PAX2: variants seen among roughly 807,000 people sequenced by gnomAD.
The protein encoded by PAX2 is paired box 2.
In PAX2, 9 loss-of-function variants were observed where a neutral mutation model predicts 41.7. The ratio of observed to expected loss-of-function variants is 0.22; its 90% CI spans 0.13 to 0.38. PAX2 has a LOEUF of 0.38. Ranked by LOEUF, PAX2 falls within the 10% of genes least tolerant of loss-of-function variation. The probability of loss-of-function intolerance (pLI) is 1.00; values close to 1 mark genes in which losing one functional copy is unlikely to be tolerated. For missense variants in PAX2, 418 were observed against 531.6 expected (o/e 0.79, Z 2.10); for synonymous variants, 221 against 212.7 (o/e 1.04, Z -0.34).
chr10:100,773,054 C>T (rs1042594551), intron 3 of PAX2, among the ~76,000 whole-genome samples: 9 of 152,216 alleles, frequency 5.9e-5, no homozygotes, highest in Non-Finnish European at 1.3e-4. Context: ...TTGGGTGTCT[C>T]TCCCCTGGAG....
At chr10:100,781,935 G>A (rs1236002004) in intron 5 of PAX2, among the ~76,000 whole-genome samples, 2 of 152,170 alleles carry the variant, frequency 1.3e-5, no homozygotes, top group African/African-American at 4.8e-5. Flanking sequence ...GCCTCAAGGT[G>A]CAGCCAGGCT....
In PAX2 at chr10:100,791,604, G is replaced by A. The variant is rs993532431; in HGVS notation, c.616+10239G>A. Among the ~76,000 whole-genome samples the A allele has an allele frequency of 4.6e-5, 7 of 152,186 alleles. No homozygotes were observed. Among genetic ancestry groups the A allele is most frequent in the African/African-American group, 1.7e-4 (7 of 41,442 alleles). On this transcript the variant is annotated intron_variant, in intron 5 of 9. Transcript: ENST00000355243. The surrounding 1 kb of genome is among the most constrained non-coding windows in gnomAD (Gnocchi z 4.5). The stretch of plus-strand genomic sequence containing the variant: ...CTCCTGAAGCAGAAAGTGTGAGCAG[G>A]AGAGCAAGCGAGCCAGTGACAGAGG...
At chr10:100,763,454 T>G (rs1845904367) in intron 3 of PAX2, among the ~76,000 whole-genome samples, 1 of 152,238 alleles carries the variant, frequency 6.6e-6, no homozygotes, top group African/African-American at 2.4e-5. Flanking sequence ...TTTGATGTGT[T>G]CGAGTCTGAT....
At chr10:100,781,149 C>T (rs1846604678) in intron 4 of PAX2, 97 bp from the exon 5 acceptor site, 1 of 1,231,742 alleles carries the variant, frequency 8.1e-7, no homozygotes, top group Admixed American at 1.7e-5. Context: ...TCCTTATGTC[C>T]TCTGCTTCTC....
chr10:100,809,087 G>A (rs1273842928), intron 6 of PAX2, 23 bp from the exon 7 acceptor site: 1 of 1,610,762 alleles, frequency 6.2e-7, no homozygotes, highest in Non-Finnish European at 8.5e-7. Context: ...ATAGAGAGCT[G>A]TCACTTTTCT....
chr10:100,743,196 G>C (rs1051582344), upstream of PAX2, among the ~76,000 whole-genome samples: 8 of 152,126 alleles, frequency 5.3e-5, no homozygotes, highest in Admixed American at 1.3e-4. Flanking sequence ...GGGGCTACCT[G>C]GGAATGGGAC....
chr10:100,776,231 T>C (rs1846383157), intron 3 of PAX2, among the ~76,000 whole-genome samples: 1 of 152,218 alleles, frequency 6.6e-6, no homozygotes. Flanking sequence ...AGTCTCCGTT[T>C]ACTGCCCTGC....
intron 6 of PAX2, among the ~76,000 whole-genome samples, chr10:100,808,507 G>A (rs934192071): frequency 7.2e-5 from 11 of 152,160 alleles, no homozygotes; most frequent in African/African-American, 4.8e-5. Flanking sequence ...GCAATTACCC[G>A]AGTGTTTCAG....
At chr10:100,759,658 G>A (rs1337691922) in intron 3 of PAX2, among the ~76,000 whole-genome samples, 1 of 152,204 alleles carries the variant, frequency 6.6e-6, no homozygotes, top group Non-Finnish European at 1.5e-5. Flanking sequence ...GACAGGACCG[G>A]TGGCTCCTGG....
Position 100,748,414 on chromosome 10 carries a change from T to A in PAX2, c.44-1332T>A, listed in dbSNP as rs527988075. 2 of 984,674 alleles carry A rather than the reference T, an allele frequency of 2.0e-6. No individual in the cohort carries two copies. The highest frequency in any genetic ancestry group is 2.4e-6 in the Non-Finnish European group (2 of 829,772). The allele number at this position is 984,674 out of a possible 1,614,324, so 61.0% of individuals were successfully genotyped here. A position where few individuals can be genotyped will look rare whatever the true frequency, so the allele number is the denominator to read the frequency against. The stretch of plus-strand genomic sequence containing the variant: ...TCTTTCCCCAGGGTTTCACCGAGCT[T>A]GCTCTAGGTACCCCCCGAGAAAGGG... On this transcript the variant is annotated intron_variant, in intron 1 of 9. Transcript: ENST00000355243. The surrounding 1 kb of genome is among the most constrained non-coding windows in gnomAD (Gnocchi z 5.0).
intron 3 of PAX2, among the ~76,000 whole-genome samples, chr10:100,752,569 C>G (rs1232181975): frequency 6.6e-6 from 1 of 152,220 alleles, no homozygotes; most frequent in Admixed American, 6.5e-5. Flanking sequence ...AAGAGTGGCC[C>G]TGCTGTGTGC....
chr10:100,750,060 GGA>G lies in PAX2; in HGVS notation c.212+152_212+153del, dbSNP rs1036133205. On this transcript the variant is annotated intron_variant, in intron 2 of 9. Coordinates refer to ENST00000355243, the MANE Select transcript of PAX2 (RefSeq NM_000278.5). This position sits in a 1 kb window ranked among gnomAD's most constrained non-coding sequence, Gnocchi z 4.1. ...AGGGGTCTGGAGAGGTGCTCCTTTT[GGA>G]GAGAGTGTTCAGATGGTGGCTGAAG... is the stretch of plus-strand genomic sequence containing the variant. The G allele has an allele frequency of 6.2e-6, 6 of 965,182 alleles. No homozygotes were observed. The highest frequency in any genetic ancestry group is 5.3e-5 in the East Asian group (2 of 37,798). The allele number at this position is 965,182 out of a possible 1,614,324, so 59.8% of individuals were successfully genotyped here.
chr10:100,761,903 G>A (rs1845854856), intron 3 of PAX2, among the ~76,000 whole-genome samples: 1 of 152,118 alleles, frequency 6.6e-6, no homozygotes, highest in South Asian at 2.1e-4. Flanking sequence ...AAAGGCAATA[G>A]ATTACCAGGA....
At chr10:100,766,428 G>C (rs984075267) in intron 3 of PAX2, among the ~76,000 whole-genome samples, 1 of 152,204 alleles carries the variant, frequency 6.6e-6, no homozygotes, top group African/African-American at 2.4e-5. Flanking sequence ...GAGTAGAGTG[G>C]AATGGGGATT....
At chr10:100,814,492 A>G (rs574053822) in intron 7 of PAX2, among the ~76,000 whole-genome samples, 230 of 152,302 alleles carry the variant, frequency 1.5e-3, no homozygotes, top group South Asian at 0.011. Flanking sequence ...AATGAGGACC[A>G]TACCTATAGA....
chr10:100,810,869 T>C (rs1847969119), intron 7 of PAX2, among the ~76,000 whole-genome samples: 1 of 144,384 alleles, frequency 6.9e-6, no homozygotes, highest in Non-Finnish European at 1.5e-5. Flanking sequence ...CTCCCCCCCA[T>C]GGCCCTGGAA....
chr10:100,760,416 A>G (rs1249817753), intron 3 of PAX2, among the ~76,000 whole-genome samples: 3 of 152,160 alleles, frequency 2.0e-5, no homozygotes, highest in Admixed American at 1.3e-4. Flanking sequence ...GGGTCAATGA[A>G]CGGGGGTTCT....
At chr10:100,786,163 C>T (rs999632991) in intron 5 of PAX2, among the ~76,000 whole-genome samples, 2 of 152,192 alleles carry the variant, frequency 1.3e-5, no homozygotes, top group Non-Finnish European at 2.9e-5. Context: ...ACTAGGGCAG[C>T]CTTTAGTGGA....
At chr10:100,769,669 TA>T (rs1009617472) in intron 3 of PAX2, among the ~76,000 whole-genome samples, 2 of 143,180 alleles carry the variant, frequency 1.4e-5, no homozygotes, top group African/African-American at 2.5e-5. Flanking sequence ...TAAAATAAAA[TA>T]AAAAAATAAA....
Sources: allele counts gnomAD v4.1 joint callset (sites outside exome capture counted in the v4.1 genomes callset), GRCh38; gene constraint gnomAD v4.1.1; non-coding constraint Gnocchi (gnomAD v3.1); transcripts MANE v1.5; gene names NCBI Gene and HGNC (gene_info 2026-07-23, HGNC 2026-07-21).